MYH6: variants seen among roughly 807,000 people sequenced by gnomAD.
MYH6 encodes the protein myosin heavy chain 6.
Under a neutral mutation model 223.2 loss-of-function variants are expected in MYH6, and 126 were observed. The ratio of observed to expected loss-of-function variants is 0.56; its 90% confidence interval spans 0.49 to 0.65. The LOEUF (loss-of-function observed/expected upper bound fraction) is 0.65, where lower values mean the gene tolerates loss of function less well. Ranked by LOEUF, MYH6 falls within the 30% of genes least tolerant of loss-of-function variation. The pLI is 0.00. For synonymous variants in MYH6, 978 were observed against 1,010.2 expected (o/e 0.97, Z 0.61); for missense variants, 2,040 against 2,536.4 (o/e 0.80, Z 4.20).
rs779591168 is a variant in MYH6, at chr14:23,387,918, C to A, written c.4365G>T (p.Leu1455=). ...DKKQRNFDKI[L]AEWKQKYEES... ...CCTCATACTTCTGCTTCCACTCGGC[C>A]AGGATCTGCCCGGGGACAAGGCTCA... Residue 1455 remains leucine, a synonymous_variant, in exon 31 of 39, where the codon CTG becomes CTT. Coordinates refer to ENST00000405093, the MANE Select transcript of MYH6 (RefSeq NM_002471.4). 4 of 1,613,648 alleles carry A rather than the reference C, an allele frequency of 2.5e-6. No homozygotes were observed. The highest frequency in any genetic ancestry group is 3.4e-6 in the Non-Finnish European group (4 of 1,180,018).
chr14:23,385,115 A>G (rs178638), intron 34 of MYH6, 74 bp from the exon 35 acceptor site: 768,088 of 1,597,266 alleles, frequency 0.48, 189,555 homozygotes, highest in African/African-American at 0.7. Context: ...TTTCTCCAGA[A>G]AGAATTAAAG....
In MYH6 at chr14:23,397,910, T is replaced by TCTCCTCCTC. The variant is rs1247030438; in HGVS notation, c.1892-306_1892-298dup. 1.1e-3 allele frequency among the ~76,000 whole-genome samples: 127 copies of TCTCCTCCTC among 112,836 alleles called. 1 individual carries two copies. Among genetic ancestry groups the TCTCCTCCTC allele is most frequent in the South Asian group, 1.3e-3 (5 of 3,748 alleles). The allele number at this position is 112,836 out of a possible 152,430, so 74.0% of individuals were successfully genotyped here. On this transcript the variant is annotated intron_variant, in intron 15 of 38. Transcript: ENST00000405093. ...TTCTTATATCTTTCCACATTCTAGT[T>TCTCCTCCTC]CTCCTCCTCCTCCTCCTCCTCCTCT... is the stretch of plus-strand genomic sequence containing the variant.
rs775365935 is a variant in MYH6 at position 23,390,043 on chromosome 14, C to T, written c.3732+14G>A. ...TGCAGGGGAGAGGGCGAGGGGAGGCCGAGCAGAGCCTGCCTTGGCCTTGAT... is the reference window on the plus strand; with the variant it reads ...TGCAGGGGAGAGGGCGAGGGGAGGCTGAGCAGAGCCTGCCTTGGCCTTGAT... On this transcript the variant is annotated intron_variant, in intron 26 of 38. Transcript: ENST00000405093. 9.3e-6 allele frequency: 15 copies of T among 1,613,382 alleles called. No homozygotes were observed. In the South Asian group the frequency reaches 9.9e-5, roughly 11 times the overall value.
In MYH6 at chr14:23,400,330, T is replaced by G. The variant is rs773800447; in HGVS notation, c.1507A>C (p.Lys503Gln). ...AATGTCCACTCAATGCCCTCCTTCT[T>G]GTACTCCTCCTGCTCCAGCACGAAC... ...HMFVLEQEEY[K>Q]KEGIEWTFID... The change falls in exon 14 of 39, where the codon AAG (lysine) becomes CAG (glutamine). Residue 503 changes from lysine (K) to glutamine (Q), a missense_variant. Transcript: ENST00000405093. 1.2e-6 allele frequency: 2 copies of G among 1,614,070 alleles called. No homozygotes were observed. The highest frequency in any genetic ancestry group is 1.7e-6 in the Non-Finnish European group (2 of 1,180,040).
chr14:23,400,676 A>C, intron 13 of MYH6, 33 bp downstream of exon 13: 1 of 1,614,124 alleles, frequency 6.2e-7, no homozygotes, highest in South Asian at 1.1e-5. Flanking sequence ...CAAGCGAGTG[A>C]TTGTTCTCCC....
intron 3 of MYH6, among the ~76,000 whole-genome samples, chr14:23,406,797 C>T (rs1891802539): frequency 6.6e-6 from 1 of 152,208 alleles, no homozygotes; most frequent in South Asian, 2.1e-4. Context: ...TCTTCCTCAG[C>T]ATCCTCTCTG....
In MYH6 at chr14:23,407,153, A is replaced by C; in HGVS notation, c.71T>G (p.Leu24Arg). The C allele has an allele frequency of 6.2e-7, 1 of 1,614,226 alleles. No homozygotes were observed. The highest frequency in any genetic ancestry group is 8.5e-7 in the Non-Finnish European group (1 of 1,180,040). The change falls in exon 3 of 39, where the codon CTA becomes CGA. Residue 24 changes from leucine (L) to arginine (R), a missense_variant. This residue lies in a region of MYH6 where 184 missense variants were observed against 232.4 expected (regional missense o/e 0.79). Coordinates refer to ENST00000405093, the MANE Select transcript of MYH6 (RefSeq NM_002471.4). This position sits in a 1 kb window ranked among gnomAD's most constrained non-coding sequence, Gnocchi z 5.6. ...GTCAAAGGGCCGGGTCTGGGCCTCT[A>C]GACGCTCCTTCTCTGACTTGCGGAG... Reference protein sequence around the residue: ...QYLRKSEKERLEAQTRPFDIR... With the variant: ...QYLRKSEKERREAQTRPFDIR...
intron 38 of MYH6, 27 bp from the exon 39 acceptor site, chr14:23,382,090 G>C (rs778551556): frequency 5.6e-6 from 9 of 1,603,834 alleles, no homozygotes; most frequent in Non-Finnish European, 3.4e-6. Context: ...AGGTGTGAGG[G>C]GGCAGCTGGC....
In MYH6 at chr14:23,393,737, T is replaced by C; in HGVS notation, c.2857A>G (p.Lys953Glu). Residue 953 changes from lysine (K) to glutamate (E), a missense_variant, in exon 22 of 39, where the codon AAG becomes GAG. Physicochemically the swap from Lys to Glu is moderately conservative, Grantham distance 56 (BLOSUM62 1). Coordinates refer to ENST00000405093, the MANE Select transcript of MYH6 (RefSeq NM_002471.4). ...AGCTCCAGGTCATCAATGTCCTTCTTGAGCTCTGAGCACTCGTCTTCCAGC... is the reference window on the plus strand; with the variant it reads ...AGCTCCAGGTCATCAATGTCCTTCTCGAGCTCTGAGCACTCGTCTTCCAGC... ...RKLEDECSEL[K>E]KDIDDLELTL... 1.2e-6 allele frequency: 2 copies of C among 1,614,226 alleles called. No homozygotes were observed. The highest frequency in any genetic ancestry group is 1.7e-6 in the Non-Finnish European group (2 of 1,180,044).
chr14:23,390,108 C>T lies in MYH6; in HGVS notation c.3681G>A (p.Lys1227=), dbSNP rs1240409038. 3.1e-6 allele frequency: 5 copies of T among 1,612,506 alleles called. No individual in the cohort carries two copies. The East Asian group carries it at 6.7e-5, about 22-fold the overall frequency. ...TGGAGGTGACGTCATCCAGCTCCAG[C>T]TTGAACTCGCTCTTCTCCTTCTCCA... ...QKLEKEKSEF[K]LELDDVTSNM... is the part of the protein sequence containing the mutation. The change falls in exon 26 of 39, where the codon AAG becomes AAA. Residue 1227 remains lysine (K), a synonymous_variant. Transcript: ENST00000405093.
chr14:23,384,948 C>G lies in MYH6; in HGVS notation c.5257G>C (p.Ala1753Pro), dbSNP rs142437308. The G allele has an allele frequency of 7.4e-6, 12 of 1,614,106 alleles. No individual in the cohort carries two copies. The African/African-American group carries it at 1.6e-4, about 22-fold the overall frequency. Residue 1753 changes from alanine to proline, a missense_variant, in exon 35 of 39, where the codon GCC (alanine) becomes CCC (proline). Physicochemically the swap from Ala to Pro is conservative, Grantham distance 27 (BLOSUM62 -1). This residue lies in a region of MYH6 where 1,203 missense variants were observed against 1,400.2 expected (regional missense o/e 0.86). Transcript: ENST00000405093. ...VEEAVQECRN[A>P]EEKAKKAITD... is the part of the protein sequence containing the mutation. ...ATGGCCTTCTTGGCCTTCTCCTCGG[C>G]GTTTCTGCACTCCTGCACTGCCTCC...
In MYH6 at chr14:23,405,208, G is replaced by A. The variant is rs1016351173; in HGVS notation, c.502+15C>T. 2 of 1,613,938 alleles carry A rather than the reference G, an allele frequency of 1.2e-6. No homozygotes were observed. The highest frequency in any genetic ancestry group is 2.7e-5 in the African/African-American group (2 of 75,024). ...TCTGGGAGGAGGAGCAGAGACCAGG[G>A]GCCACCAGGCTCACCTGTCAGCATG... is the stretch of plus-strand genomic sequence containing the variant. On this transcript the variant is annotated intron_variant, in intron 5 of 38. Coordinates refer to ENST00000405093, the MANE Select transcript of MYH6 (RefSeq NM_002471.4). This position sits in a 1 kb window ranked among gnomAD's most constrained non-coding sequence, Gnocchi z 4.7.
rs564291975 is a variant in MYH6 at position 23,400,504 on chromosome 14, C to T, written c.1411-78G>A. On this transcript the variant is annotated intron_variant, in intron 13 of 38. Coordinates refer to ENST00000405093, the MANE Select transcript of MYH6 (RefSeq NM_002471.4). ...TTGGGGCTGTGCCCGTGCACTGTGC[C>T]GAGCCCAGCAGGGTATGGCTGTCCC... 2.5e-4 allele frequency: 403 copies of T among 1,609,730 alleles called. 6 individuals carry two copies. In the South Asian group the frequency reaches 3.8e-3, roughly 15 times the overall value.
Position 23,405,804 on chromosome 14 carries a change from C to A in MYH6, c.202-34G>T. ...GGCGCATAAGCAGGAGGATGAGTGA[C>A]CACAATCCCTCCGGGACCCTTGCCA... On this transcript the variant is annotated intron_variant, in intron 3 of 38. Coordinates refer to ENST00000405093, the MANE Select transcript of MYH6 (RefSeq NM_002471.4). The surrounding 1 kb of genome is among the most constrained non-coding windows in gnomAD (Gnocchi z 4.7). 2 of 1,613,980 alleles carry A rather than the reference C, an allele frequency of 1.2e-6. No individual in the cohort carries two copies. Among genetic ancestry groups the A allele is most frequent in the Non-Finnish European group, 1.7e-6 (2 of 1,179,932 alleles).
rs542053806 is a variant in MYH6, at chr14:23,405,460, G to C, written c.346-81C>G. On this transcript the variant is annotated intron_variant, in intron 4 of 38. Transcript: ENST00000405093. The surrounding 1 kb of genome is among the most constrained non-coding windows in gnomAD (Gnocchi z 4.7). The stretch of plus-strand genomic sequence containing the variant: ...AGTGGTGGCAGCCAGGCATGTCCCT[G>C]TTCACTCCAGCTGGCTCTACTCCTC... 7.1e-4 allele frequency: 1,148 copies of C among 1,607,802 alleles called. 2 individuals carry two copies. The highest frequency in any genetic ancestry group is 1.8e-3 in the South Asian group (160 of 90,892).
At position 23,398,957 on chromosome 14, in the gene MYH6, G is replaced by T. The variant is rs374114140; in HGVS notation, c.1662C>A (p.Tyr554Ter). Reference sequence around the variant, plus strand: ...TGTTGGACTTGCCCAGGTGGTTGTCGTACAGCTTGGCCTTGAAGGTCATGT... The same window carrying T: ...TGTTGGACTTGCCCAGGTGGTTGTCTTACAGCTTGGCCTTGAAGGTCATGT... ...ATDMTFKAKLYDNHLGKSNNF... is the reference protein window; with the variant it reads ...ATDMTFKAKL Residue 554 changes from tyrosine (Y) to a stop codon, truncating the protein, a stop_gained, in exon 15 of 39, where the codon TAC (tyrosine) becomes TAA (stop). Transcript: ENST00000405093. LOFTEE classifies it high-confidence loss of function. 3.7e-6 allele frequency: 6 copies of T among 1,614,062 alleles called. No homozygotes were observed. Among genetic ancestry groups the T allele is most frequent in the East Asian group, 4.5e-5 (2 of 44,868 alleles).
At chr14:23,389,241 A>C in intron 28 of MYH6, 152 bp downstream of exon 28, 2 of 1,153,986 alleles carry the variant, frequency 1.7e-6, no homozygotes, top group Non-Finnish European at 2.5e-6. Context: ...GAAAAGAGGC[A>C]TTAAATGACG....
At chr14:23,393,977 GC>G (rs1307604141) in intron 21 of MYH6, 69 bp from the exon 22 acceptor site, 6 of 1,613,668 alleles carry the variant, frequency 3.7e-6, no homozygotes, top group Non-Finnish European at 5.1e-6. Context: ...AAAAGAGCTG[GC>G]ACTCCTAGAC....
Position 23,389,468 on chromosome 14 carries a change from C to A in MYH6, c.3903G>T (p.Ser1301=). Residue 1301 remains serine (S), a synonymous_variant, in exon 28 of 39, where the codon TCG becomes TCT. Transcript: ENST00000405093. ...RQLEEKEALI[S]QLTRGKLSYT... is the part of the protein sequence containing the mutation. ...AAGAGAGCTTCCCCCGGGTCAGCTG[C>A]GAGATTAGCGCCTCCTTTTCCTCTA... 6.2e-7 allele frequency: 1 copy of A among 1,614,194 alleles called. No individual in the cohort carries two copies. The highest frequency in any genetic ancestry group is 1.3e-5 in the African/African-American group (1 of 75,048).
Sources: gnomAD v4.1 joint callset for allele counts (sites outside exome capture counted in the v4.1 genomes callset) on GRCh38, gnomAD v4.1.1 for gene constraint, gnomAD v4.1.1 regional missense constraint, Gnocchi (gnomAD v3.1) non-coding constraint, MANE v1.5 for transcripts, NCBI Gene and HGNC (gene_info 2026-07-23, HGNC 2026-07-21) for gene names.